The following CLVS1 variants were observed in gnomAD, a reference collection of about 807,000 sequenced individuals.
CLVS1 encodes clavesin-1.
Under a neutral mutation model 33.1 loss-of-function variants are expected in CLVS1, and 10 were observed. The observed-to-expected ratio is 0.30, with a 90% CI of 0.19 to 0.51. The LOEUF (loss-of-function observed/expected upper bound fraction) is 0.51. CLVS1 is among the 20% of genes least tolerant of loss of function. CLVS1 has a pLI of 0.97. For missense variants in CLVS1, 343 were observed against 433.4 expected, an observed-to-expected ratio of 0.79 and a Z score of 1.85; for synonymous variants, 163 against 166.1, an observed-to-expected ratio of 0.98 and a Z score of 0.14.
chr8:61,274,631 G>T (rs1428646958), intron 2 of CLVS1, among the ~76,000 whole-genome samples: 1 of 152,078 alleles, frequency 6.6e-6, no homozygotes. Flanking sequence ...ATCACACCAA[G>T]ATTGATGTTC....
At chr8:61,479,258 T>C (rs565114719) in intron 5 of CLVS1, among the ~76,000 whole-genome samples, 17 of 152,334 alleles carry the variant, frequency 1.1e-4, no homozygotes, top group South Asian at 6.2e-4. Context: ...AGTCCCATAC[T>C]TCTTGGAGGC....
At chr8:61,208,182 A>T (rs1807895917) in intron 2 of CLVS1, among the ~76,000 whole-genome samples, 1 of 152,240 alleles carries the variant, frequency 6.6e-6, no homozygotes, top group Admixed American at 6.5e-5. Context: ...TTTCTCTGTG[A>T]TCCATCACCA....
At chr8:60,972,133 T>G in the CLVS1 span, among the ~76,000 whole-genome samples, 1 of 151,368 alleles carries the variant, frequency 6.6e-6, no homozygotes, top group Non-Finnish European at 1.5e-5. Context: ...GTAACTGTCT[T>G]TCTCTCTCTC....
At chr8:61,033,053 AAGAAAGAT>A in the CLVS1 span, among the ~76,000 whole-genome samples, 19,075 of 86,716 alleles carry the variant, frequency 0.22, 4,089 homozygotes, top group East Asian at 0.32. Context: ...AAGAAAAAGA[AAGAAAGAT>A]AGAAAGAAAG....
the CLVS1 span, among the ~76,000 whole-genome samples, chr8:60,988,398 T>G: frequency 6.6e-6 from 1 of 152,106 alleles, no homozygotes; most frequent in Non-Finnish European, 1.5e-5. Context: ...CCAGACAACC[T>G]GTAAGAATCA....
chr8:61,325,211 C>A (rs1563496748), intron 2 of CLVS1, among the ~76,000 whole-genome samples: 1 of 152,012 alleles, frequency 6.6e-6, no homozygotes, highest in African/African-American at 2.4e-5. Flanking sequence ...CACATACACA[C>A]ACACACACAC....
At chr8:61,156,409 A>C (rs1806650585) in intron 2 of CLVS1, among the ~76,000 whole-genome samples, 4 of 152,000 alleles carry the variant, frequency 2.6e-5, no homozygotes, top group Non-Finnish European at 5.9e-5. Context: ...TGTGCATGTT[A>C]ATAAATTTGT....
intron 3 of CLVS1, among the ~76,000 whole-genome samples, chr8:61,409,459 A>G (rs1815133109): frequency 7.6e-6 from 1 of 130,958 alleles, no homozygotes; most frequent in South Asian, 2.5e-4. Context: ...AATCTTTCCC[A>G]TCAGCCCATA....
At chr8:61,066,997 T>C (rs531433112) in intron 1 of CLVS1, among the ~76,000 whole-genome samples, 8 of 151,892 alleles carry the variant, frequency 5.3e-5, no homozygotes, top group African/African-American at 1.7e-4. Context: ...ACGTGCTGTG[T>C]GCACAGTCCT....
intron 2 of CLVS1, chr8:61,202,503 T>A: frequency 1.0e-6 from 1 of 968,908 alleles, no homozygotes; most frequent in South Asian, 1.3e-5. Context: ...GTTTAGGGGC[T>A]GGTGCAAAGG....
At chr8:61,258,687 C>A (rs2129592076) in intron 2 of CLVS1, among the ~76,000 whole-genome samples, 1 of 152,290 alleles carries the variant, frequency 6.6e-6, no homozygotes, top group East Asian at 1.9e-4. Context: ...GGAGAACATC[C>A]TTTGTGAGTG....
chr8:61,338,893 G>T (rs1028740479), intron 2 of CLVS1, among the ~76,000 whole-genome samples: 4 of 152,122 alleles, frequency 2.6e-5, no homozygotes, highest in Non-Finnish European at 5.9e-5. Context: ...CAGTGGCAAC[G>T]CATGGACTAA....
chr8:61,347,455 C>T (rs1005332397), intron 2 of CLVS1, among the ~76,000 whole-genome samples: 1 of 151,338 alleles, frequency 6.6e-6, no homozygotes, highest in Non-Finnish European at 1.5e-5. Context: ...GTGATGGTTA[C>T]CAGGGGTTGG....
the CLVS1 span, among the ~76,000 whole-genome samples, chr8:61,035,334 A>G: frequency 6.6e-6 from 1 of 151,774 alleles, no homozygotes; most frequent in Non-Finnish European, 1.5e-5. Flanking sequence ...TTCCAGTCTG[A>G]TGTTCTATGT....
At chr8:61,356,073 CTG>C (rs1812691652) in intron 2 of CLVS1, among the ~76,000 whole-genome samples, 1 of 152,024 alleles carries the variant, frequency 6.6e-6, no homozygotes, top group Admixed American at 6.6e-5. Context: ...TCTCCAGCAC[CTG>C]TTGTTTCCTG....
intron 1 of CLVS1, among the ~76,000 whole-genome samples, chr8:61,289,062 A>T (rs1809881464): frequency 1.3e-5 from 2 of 152,026 alleles, no homozygotes; most frequent in South Asian, 4.1e-4. Context: ...TGAAGCAAAG[A>T]AGATAGATCC....
chr8:61,422,984 A>G (rs774103473), intron 3 of CLVS1, among the ~76,000 whole-genome samples: 19 of 152,148 alleles, frequency 1.2e-4, no homozygotes, highest in Non-Finnish European at 2.5e-4. Flanking sequence ...CTGAGTGACC[A>G]GGAGGGAGTC....
intron 1 of CLVS1, among the ~76,000 whole-genome samples, chr8:61,063,133 G>A (rs533695409): frequency 5.3e-5 from 8 of 152,112 alleles, no homozygotes; most frequent in African/African-American, 1.4e-4. Context: ...ACCATGCTAC[G>A]TAAGTAAGAC....
Position 61,232,041 on chromosome 8 carries a change from T to TTTTTTTGTTTTG in CLVS1, c.-151-67630_-151-67629insGTTTTGTTTTTT, listed in dbSNP as rs1554548397. On this transcript the variant is annotated intron_variant, in intron 2 of 2. Coordinates refer to the CLVS1 transcript ENST00000522621. ...AGTTGTGGTTTTTTTTTTTTTTTTT[T>TTTTTTTGTTTTG]TTTTTTTTTGTGAGATGGAGTCTCG... Among the ~76,000 whole-genome samples the TTTTTTTGTTTTG allele has an allele frequency of 4.8e-4, 56 of 116,000 alleles. 2 individuals are homozygous for TTTTTTTGTTTTG. The highest frequency in any genetic ancestry group is 2.0e-3 in the African/African-American group (42 of 20,992). 76.1% of individuals were successfully genotyped at this position (116,000 alleles called of 152,430 possible).
Sources: gnomAD v4.1 joint callset for allele counts (sites outside exome capture counted in the v4.1 genomes callset) on GRCh38, gnomAD v4.1.1 for gene constraint, MANE v1.5 for transcripts, NCBI Gene and HGNC (gene_info 2026-07-23, HGNC 2026-07-21) for gene names.